The following TMEM117 variants were observed in gnomAD, a reference collection of about 807,000 sequenced individuals.
TMEM117 encodes transmembrane protein 117.
TMEM117 carries 27 observed loss-of-function variants against 52.4 expected under a neutral mutation model. The ratio of observed to expected loss-of-function variants is 0.51; its 90% CI spans 0.38 to 0.71. TMEM117 has a LOEUF of 0.71. TMEM117 is among the 30% of genes least tolerant of loss of function. TMEM117 has a pLI of 0.00. For synonymous variants in TMEM117, 215 were observed against 206.3 expected (o/e 1.04, Z -0.36); for missense variants, 556 against 630.5 (o/e 0.88, Z 1.26).
intron 2 of TMEM117, among the ~76,000 whole-genome samples, chr12:43,912,462 C>T (rs536351102): frequency 1.7e-4 from 25 of 147,578 alleles, no homozygotes; most frequent in South Asian, 1.3e-3. Context: ...CTAACCTGCG[C>T]GTTGTGCACA....
chr12:43,924,100 T>C (rs2137563238), intron 2 of TMEM117, among the ~76,000 whole-genome samples: 1 of 152,298 alleles, frequency 6.6e-6, no homozygotes, highest in East Asian at 1.9e-4. Flanking sequence ...AAACAAAAAA[T>C]GGCACTGTGA....
chr12:43,848,415 A>G (rs954337801), intron 2 of TMEM117, among the ~76,000 whole-genome samples: 4 of 152,086 alleles, frequency 2.6e-5, no homozygotes, highest in African/African-American at 9.7e-5. Context: ...TCCCCCCAGA[A>G]ATGCATTCTT....
chr12:44,311,346 T>C (rs1322678498), intron 6 of TMEM117, among the ~76,000 whole-genome samples: 1 of 152,134 alleles, frequency 6.6e-6, no homozygotes, highest in Non-Finnish European at 1.5e-5. Context: ...TACATATATC[T>C]CAGTTTTATA....
chr12:44,354,364 A>G (rs1592713783), intron 6 of TMEM117, among the ~76,000 whole-genome samples: 1 of 152,000 alleles, frequency 6.6e-6, no homozygotes, highest in African/African-American at 2.4e-5. Context: ...AAACACAACA[A>G]AAAAAGAGAA....
intron 3 of TMEM117, among the ~76,000 whole-genome samples, chr12:44,104,624 C>T (rs996743338): frequency 3.9e-5 from 6 of 151,980 alleles, no homozygotes; most frequent in Non-Finnish European, 7.4e-5. Context: ...TTTTTCTTCT[C>T]TCTGAAGAAC....
chr12:43,845,388 G>T (rs1208973681), intron 2 of TMEM117, among the ~76,000 whole-genome samples: 1 of 148,062 alleles, frequency 6.8e-6, no homozygotes, highest in African/African-American at 2.5e-5. Flanking sequence ...TTGAACCTGG[G>T]AGGCGGAGGT....
intron 3 of TMEM117, among the ~76,000 whole-genome samples, chr12:44,098,861 G>A (rs55782485): frequency 0.2 from 30,956 of 151,890 alleles, 5,112 homozygotes; most frequent in African/African-American, 0.46. Context: ...GATGGAATAG[G>A]TACATTTATC....
chr12:44,295,646 C>A (rs1251652432), intron 5 of TMEM117, among the ~76,000 whole-genome samples: 1 of 149,776 alleles, frequency 6.7e-6, no homozygotes, highest in African/African-American at 2.5e-5. Context: ...TTTTTCAGTT[C>A]TATTATTGTA....
chr12:44,383,023 T>A (rs1359601467), intron 7 of TMEM117, among the ~76,000 whole-genome samples: 1 of 152,104 alleles, frequency 6.6e-6, no homozygotes, highest in African/African-American at 2.4e-5. Flanking sequence ...CTTTTACTTA[T>A]CCAAAATTCA....
At chr12:44,180,838 C>T (rs1445326584) in intron 4 of TMEM117, among the ~76,000 whole-genome samples, 1 of 151,786 alleles carries the variant, frequency 6.6e-6, no homozygotes. Flanking sequence ...TTTATAGCAG[C>T]ATGATTTATA....
chr12:43,877,890 AACACACACACACACACACACAC>A (rs369405497), intron 2 of TMEM117, among the ~76,000 whole-genome samples: 1 of 143,106 alleles, frequency 7.0e-6, no homozygotes, highest in Non-Finnish European at 1.5e-5. Flanking sequence ...GTAAAAACAA[AACACACACACACACACACACAC>A]ACACACACAC....
chr12:44,085,380 C>T (rs1270283496), intron 3 of TMEM117, among the ~76,000 whole-genome samples: 1 of 152,108 alleles, frequency 6.6e-6, no homozygotes, highest in Non-Finnish European at 1.5e-5. Flanking sequence ...AATGTAGATA[C>T]AGAACATGTA....
intron 2 of TMEM117, among the ~76,000 whole-genome samples, chr12:43,915,791 T>G (rs1366374959): frequency 6.6e-6 from 1 of 152,172 alleles, no homozygotes; most frequent in Non-Finnish European, 1.5e-5. Flanking sequence ...CAGTGGTGTT[T>G]ACTGAGTGTA....
At chr12:44,383,324 T>C (rs1015173081) in intron 7 of TMEM117, among the ~76,000 whole-genome samples, 1 of 150,410 alleles carries the variant, frequency 6.6e-6, no homozygotes, top group Non-Finnish European at 1.5e-5. Flanking sequence ...AATAACACTT[T>C]CCCTCAAATT....
At chr12:44,217,259 A>T (rs980378538) in intron 5 of TMEM117, among the ~76,000 whole-genome samples, 1 of 152,092 alleles carries the variant, frequency 6.6e-6, no homozygotes, top group Non-Finnish European at 1.5e-5. Context: ...AGTGAAAGTG[A>T]ATTATTATTT....
rs140878354 is a variant in TMEM117 at position 43,916,632 on chromosome 12, T to C, written c.278-27578T>C. Among the ~76,000 whole-genome samples the C allele has an allele frequency of 1.4e-4, 21 of 152,310 alleles. 1 individual carries two copies. In the East Asian group the frequency reaches 4.0e-3, roughly 29 times the overall value. The stretch of plus-strand genomic sequence containing the variant: ...ATGTGAACGTCTTAGTCCATAGATC[T>C]TTGAACATTGTCAGAAGGAGAAACA... On this transcript the variant is annotated intron_variant, in intron 2 of 7. Transcript: ENST00000266534.
the TMEM117 span, chr12:43,796,886 T>G: frequency 8.1e-5 from 109 of 1,347,852 alleles, no homozygotes; most frequent in Non-Finnish European, 1.1e-4. Flanking sequence ...AATAAATATT[T>G]TCATTTATAA....
the TMEM117 span, among the ~76,000 whole-genome samples, chr12:43,827,434 T>C: frequency 6.6e-6 from 1 of 152,148 alleles, no homozygotes; most frequent in African/African-American, 2.4e-5. Context: ...ATAATTAACA[T>C]GCAATACTTT....
downstream of TMEM117, among the ~76,000 whole-genome samples, chr12:44,393,995 A>G (rs1317149472): frequency 6.6e-6 from 1 of 152,178 alleles, no homozygotes; most frequent in East Asian, 1.9e-4. Context: ...CATCCCCAGG[A>G]GAATGTTAGA....
Sources: gnomAD v4.1 joint callset for allele counts (sites outside exome capture counted in the v4.1 genomes callset) on GRCh38, gnomAD v4.1.1 for gene constraint, MANE v1.5 for transcripts, NCBI Gene and HGNC (gene_info 2026-07-23, HGNC 2026-07-21) for gene names.